The following ADAMTS2 variants were observed in gnomAD, a reference collection of about 807,000 sequenced individuals.
The protein encoded by ADAMTS2 is ADAM metallopeptidase with thrombospondin type 1 motif 2.
In ADAMTS2, 50 loss-of-function variants were observed where a neutral mutation model predicts 123.0. That is an observed-to-expected ratio of 0.41 (90% confidence interval 0.32 to 0.51). The LOEUF (loss-of-function observed/expected upper bound fraction) is 0.51, where lower values mean the gene tolerates loss of function less well. Ranked by LOEUF, ADAMTS2 falls within the 20% of genes least tolerant of loss-of-function variation. The pLI, the probability that ADAMTS2 is intolerant of heterozygous loss-of-function variation, is 0.35. For missense variants in ADAMTS2, 1,494 were observed against 1,705.2 expected, an observed-to-expected ratio of 0.88 and a Z score of 2.18; for synonymous variants, 678 against 695.4, an observed-to-expected ratio of 0.98 and a Z score of 0.39.
intron 4 of ADAMTS2, among the ~76,000 whole-genome samples, chr5:179,184,502 C>G (rs1231452802): frequency 1.5e-5 from 2 of 135,014 alleles, no homozygotes; most frequent in African/African-American, 5.9e-5. Context: ...CAGAGCAAGA[C>G]TCTGTCTAAA....
chr5:179,231,610 T>C (rs192978166), intron 3 of ADAMTS2, among the ~76,000 whole-genome samples: 1 of 152,240 alleles, frequency 6.6e-6, no homozygotes, highest in East Asian at 1.9e-4. Flanking sequence ...ATTCTGATAA[T>C]AGGACAAATC....
chr5:179,205,502 G>A (rs1581188496), intron 4 of ADAMTS2, among the ~76,000 whole-genome samples: 2 of 152,332 alleles, frequency 1.3e-5, no homozygotes, highest in South Asian at 2.1e-4. Context: ...TCCCAACGAC[G>A]CGCCTGGAAA....
At chr5:179,311,283 T>C (rs62395028) in intron 2 of ADAMTS2, among the ~76,000 whole-genome samples, 5,577 of 152,268 alleles carry the variant, frequency 0.037, 140 homozygotes, top group South Asian at 0.066. Flanking sequence ...AAGGGCCTCG[T>C]CCAGCTCTGT....
intron 2 of ADAMTS2, among the ~76,000 whole-genome samples, chr5:179,291,419 G>T (rs59567885): frequency 6.6e-6 from 1 of 152,184 alleles, no homozygotes. Flanking sequence ...CACCTGCTTG[G>T]AGTGCTTTCA....
chr5:179,171,843 G>A (rs150200370), intron 5 of ADAMTS2, among the ~76,000 whole-genome samples: 22 of 152,278 alleles, frequency 1.4e-4, no homozygotes, highest in African/African-American at 5.1e-4. Context: ...CTGAATTCCC[G>A]GGGTCTGACA....
intron 5 of ADAMTS2, among the ~76,000 whole-genome samples, chr5:179,178,403 C>T (rs1032257918): frequency 6.6e-6 from 1 of 152,250 alleles, no homozygotes; most frequent in African/African-American, 2.4e-5. Flanking sequence ...TCTCTCTGCC[C>T]TCCTAGCCAG....
chr5:179,243,177 A>T (rs1366962497), intron 3 of ADAMTS2, among the ~76,000 whole-genome samples: 1 of 152,046 alleles, frequency 6.6e-6, no homozygotes, highest in Non-Finnish European at 1.5e-5. Flanking sequence ...TCAGGAGAAC[A>T]GATCGTTATG....
chr5:179,250,963 G>T (rs1765907807), intron 3 of ADAMTS2, among the ~76,000 whole-genome samples: 1 of 152,218 alleles, frequency 6.6e-6, no homozygotes, highest in Non-Finnish European at 1.5e-5. Flanking sequence ...CAGAGATCCT[G>T]CTCACTCTAG....
intron 10 of ADAMTS2, among the ~76,000 whole-genome samples, chr5:179,146,112 C>T (rs995571001): frequency 4.6e-5 from 7 of 152,208 alleles, no homozygotes; most frequent in South Asian, 2.1e-4. Context: ...GCCTCAGCCT[C>T]CCAAACTGCT....
chr5:179,266,853 C>A (rs79046171), intron 3 of ADAMTS2, among the ~76,000 whole-genome samples: 5 of 152,218 alleles, frequency 3.3e-5, no homozygotes, highest in African/African-American at 9.6e-5. Context: ...GGATGAGTCT[C>A]GCCTGCTCCC....
chr5:179,131,853 G>A (rs1762968712), intron 15 of ADAMTS2, among the ~76,000 whole-genome samples: 1 of 152,246 alleles, frequency 6.6e-6, no homozygotes, highest in Non-Finnish European at 1.5e-5. Context: ...GAGGGGATGG[G>A]AGGGCTGCCC....
chr5:179,146,750 T>C (rs958588331), intron 10 of ADAMTS2, among the ~76,000 whole-genome samples: 1 of 150,832 alleles, frequency 6.6e-6, no homozygotes, highest in Non-Finnish European at 1.5e-5. Context: ...AGAGTTATTA[T>C]TTTTTTTATT....
In ADAMTS2 at chr5:179,180,356, C is replaced by T. The variant is rs1405109376; in HGVS notation, c.975+716G>A. On this transcript the variant is annotated intron_variant, in intron 5 of 21. Coordinates refer to ENST00000251582, the MANE Select transcript of ADAMTS2 (RefSeq NM_014244.5). The surrounding 1 kb of genome is among the most constrained non-coding windows in gnomAD (Gnocchi z 4.6). Reference sequence around the variant, plus strand: ...AAGAGAGCCCAGCTGGGACAGCAGCCGAGGCCAGAGGAGAGGAGGCCACAG... The same window carrying T: ...AAGAGAGCCCAGCTGGGACAGCAGCTGAGGCCAGAGGAGAGGAGGCCACAG... Among the ~76,000 whole-genome samples, 2 of 152,124 alleles carry T rather than the reference C, an allele frequency of 1.3e-5. No homozygotes were observed. Among genetic ancestry groups the T allele is most frequent in the Admixed American group, 6.5e-5 (1 of 15,278 alleles).
intron 2 of ADAMTS2, among the ~76,000 whole-genome samples, chr5:179,326,794 C>T (rs960309845): frequency 1.3e-5 from 2 of 151,994 alleles, no homozygotes; most frequent in African/African-American, 4.8e-5. Context: ...CGTGTTGGAG[C>T]GAGATCGCGT....
At chr5:179,224,421 T>C (rs1765225578) in intron 3 of ADAMTS2, among the ~76,000 whole-genome samples, 1 of 152,200 alleles carries the variant, frequency 6.6e-6, no homozygotes, top group African/African-American at 2.4e-5. Context: ...ATGCCCCATC[T>C]CTCTGACCTA....
chr5:179,292,631 G>T (rs1756220356), intron 2 of ADAMTS2, among the ~76,000 whole-genome samples: 1 of 149,062 alleles, frequency 6.7e-6, no homozygotes, highest in African/African-American at 2.4e-5. Flanking sequence ...GTATCCTAGG[G>T]ACAGCCAGCC....
chr5:179,239,341 C>A (rs1765607377), intron 3 of ADAMTS2, among the ~76,000 whole-genome samples: 1 of 152,132 alleles, frequency 6.6e-6, no homozygotes, highest in Admixed American at 6.5e-5. Flanking sequence ...GAGGGGTCAA[C>A]CCTAACTGCA....
chr5:179,246,701 G>A (rs1765807834), intron 3 of ADAMTS2, among the ~76,000 whole-genome samples: 1 of 152,182 alleles, frequency 6.6e-6, no homozygotes, highest in South Asian at 2.1e-4. Flanking sequence ...CATCAAAGGT[G>A]TGCTCAAACA....
intron 2 of ADAMTS2, among the ~76,000 whole-genome samples, chr5:179,335,552 A>G (rs1757592837): frequency 2.6e-5 from 4 of 152,238 alleles, no homozygotes. Flanking sequence ...CAAGAACAGA[A>G]AGATGGAAAA....
Sources: allele counts gnomAD v4.1 joint callset (sites outside exome capture counted in the v4.1 genomes callset), GRCh38; gene constraint gnomAD v4.1.1; non-coding constraint Gnocchi (gnomAD v3.1); transcripts MANE v1.5; gene names NCBI Gene and HGNC (gene_info 2026-07-23, HGNC 2026-07-21).